The following CACNA1H variants were observed in gnomAD, a reference collection of about 807,000 sequenced individuals.
The protein encoded by CACNA1H is calcium voltage-gated channel subunit alpha1 H.
A neutral mutation model predicts 192.5 loss-of-function variants in CACNA1H; 149 were observed. The observed-to-expected ratio is 0.77, with a 90% confidence interval of 0.68 to 0.89. CACNA1H has a LOEUF of 0.89. CACNA1H is among the 40% of genes least tolerant of loss of function. CACNA1H has a pLI of 0.00. For synonymous variants in CACNA1H, 2,202 were observed against 1,475.2 expected (o/e 1.49, Z -11.29); for missense variants, 4,257 against 3,423.5 (o/e 1.24, Z -6.08).
chr16:1,210,416 C>G lies in CACNA1H; in HGVS notation c.3892C>G (p.His1298Asp). 1 of 1,435,490 alleles carries G rather than the reference C, an allele frequency of 7.0e-7. No homozygotes were observed. Among genetic ancestry groups the G allele is most frequent in the Non-Finnish European group, 9.3e-7 (1 of 1,072,216 alleles). 88.9% of individuals were successfully genotyped at this position (1,435,490 alleles called of 1,614,324 possible). ...QKVITHKMFD[H>D]VVLVFIFLNC... ...GGTCATCACACACAAGATGTTTGAT[C>G]ACGTGGTCCTCGTCTTCATCTTCCT... The change falls in exon 19 of 35, where the codon CAC (histidine) becomes GAC (aspartate). Residue 1298 changes from histidine to aspartate, a missense_variant. Coordinates refer to ENST00000348261, the MANE Select transcript of CACNA1H (RefSeq NM_021098.3).
chr16:1,187,285 C>T (rs1966168074), intron 2 of CACNA1H, among the ~76,000 whole-genome samples: 1 of 152,374 alleles, frequency 6.6e-6, no homozygotes, highest in East Asian at 1.9e-4. Flanking sequence ...GCACCCTCTA[C>T]CCAGGGCAGG....
At chr16:1,173,771 C>T (rs907223938) in intron 2 of CACNA1H, among the ~76,000 whole-genome samples, 1 of 152,258 alleles carries the variant, frequency 6.6e-6, no homozygotes, top group Non-Finnish European at 1.5e-5. Flanking sequence ...GGGAGAATTC[C>T]CCTACTCCTG....
rs746067151 is a variant in CACNA1H at position 1,211,827 on chromosome 16, T to C, written c.4566+22T>C. 30 of 1,611,438 alleles carry C rather than the reference T, an allele frequency of 1.9e-5. No individual in the cohort carries two copies. The East Asian group carries it at 6.5e-4, about 35-fold the overall frequency. ...GCAGGTGCGCACAGGCGGGTCGAGC[T>C]GGGTCACCTCAGGGTCTCCCGCGAG... is the stretch of plus-strand genomic sequence containing the variant. On this transcript the variant is annotated intron_variant, in intron 24 of 34. Transcript: ENST00000348261.
At position 1,220,354 on chromosome 16, in the gene CACNA1H, AG is replaced by A; in HGVS notation, c.6425del (p.Gly2142AlafsTer46). The A allele has an allele frequency of 6.6e-7, 1 of 1,526,652 alleles. No individual in the cohort carries two copies. The highest frequency in any genetic ancestry group is 8.7e-7 in the Non-Finnish European group (1 of 1,145,428). 94.6% of individuals were successfully genotyped at this position (1,526,652 alleles called of 1,614,324 possible). Reference sequence around the variant, plus strand: ...CGCAGGCTCTACAGCGTGGATGCTCAGGGCTTCCTGGACAAGCCGGGCCGGG... The same window carrying A: ...CGCAGGCTCTACAGCGTGGATGCTCAGGCTTCCTGGACAAGCCGGGCCGGG... ...DLRRLYSVDA[Q>X]GFLDKPGRAD... On this transcript the variant is annotated frameshift_variant, in exon 35 of 35. Coordinates refer to ENST00000348261, the MANE Select transcript of CACNA1H (RefSeq NM_021098.3). LOFTEE classifies it low-confidence loss of function (END_TRUNC).
intron 17 of CACNA1H, 189 bp downstream of exon 17, chr16:1,209,601 T>TC (rs370703115): frequency 2.3e-5 from 16 of 698,118 alleles, no homozygotes; most frequent in African/African-American, 2.2e-4. Flanking sequence ...GATCCCAGAG[T>TC]CCCCCCTCTG....
At chr16:1,217,841 G>C in intron 31 of CACNA1H, 78 bp from the exon 32 acceptor site, 1 of 1,495,424 alleles carries the variant, frequency 6.7e-7, no homozygotes, top group Non-Finnish European at 9.0e-7. Flanking sequence ...TCCCCAAGGG[G>C]CATGTGGAGG....
At chr16:1,206,375 A>C in intron 12 of CACNA1H, 86 bp downstream of exon 12, 1 of 1,305,576 alleles carries the variant, frequency 7.7e-7, no homozygotes. Flanking sequence ...CCCGAAGGAG[A>C]AGGAGCCCTC....
At chr16:1,159,166 C>T (rs1962850773) in intron 2 of CACNA1H, among the ~76,000 whole-genome samples, 6 of 152,208 alleles carry the variant, frequency 3.9e-5, no homozygotes, top group Admixed American at 2.0e-4. Flanking sequence ...TCTTCATGGC[C>T]AGTTCCCCGC....
intron 2 of CACNA1H, among the ~76,000 whole-genome samples, chr16:1,161,699 C>T (rs1963216221): frequency 6.6e-6 from 1 of 152,216 alleles, no homozygotes; most frequent in African/African-American, 2.4e-5. Context: ...GAGAAGGGGC[C>T]AGATGCGGTC....
chr16:1,155,663 C>T (rs539488655), intron 2 of CACNA1H, among the ~76,000 whole-genome samples: 2 of 151,994 alleles, frequency 1.3e-5, no homozygotes, highest in Admixed American at 6.6e-5. Flanking sequence ...GGCATGGACT[C>T]TCTTCACAGC....
rs558681859 is a variant in CACNA1H at position 1,158,533 on chromosome 16, T to A, written c.299+4497T>A. 3.7e-4 allele frequency among the ~76,000 whole-genome samples: 56 copies of A among 152,282 alleles called. 1 individual carries two copies. The South Asian group carries it at 8.3e-3, about 23-fold the overall frequency. The stretch of plus-strand genomic sequence containing the variant: ...TCAGGGCCGCACGCCCCGTGGGACG[T>A]CATCTTGTTCCCGCCAGGAAGTGGG... On this transcript the variant is annotated intron_variant, in intron 2 of 34. Transcript: ENST00000348261.
rs768069906 is a variant in CACNA1H, at chr16:1,211,936, T to C, written c.4567-10T>C. 3.1e-6 allele frequency: 5 copies of C among 1,613,028 alleles called. No homozygotes were observed. Among genetic ancestry groups the C allele is most frequent in the Non-Finnish European group, 2.5e-6 (3 of 1,179,620 alleles). On this transcript the variant is annotated splice_polypyrimidine_tract_variant and intron_variant, in intron 24 of 34. Transcript: ENST00000348261. Reference sequence around the variant, plus strand: ...CAGGCGGGCGGGGACCCACCGCCTCTGTGCCACAGCCTGTGCAGAACCACA... The same window carrying C: ...CAGGCGGGCGGGGACCCACCGCCTCCGTGCCACAGCCTGTGCAGAACCACA...
intron 17 of CACNA1H, 62 bp from the exon 18 acceptor site, chr16:1,209,973 G>T: frequency 7.9e-7 from 1 of 1,258,240 alleles, no homozygotes; most frequent in South Asian, 1.3e-5. Context: ...AGCACAGAGG[G>T]CCCTGATGGG....
chr16:1,186,863 C>A (rs11862531), intron 2 of CACNA1H, among the ~76,000 whole-genome samples: 1 of 152,108 alleles, frequency 6.6e-6, no homozygotes, highest in Non-Finnish European at 1.5e-5. Context: ...CAGGGCGGTC[C>A]GTCCCACTCC....
In CACNA1H at chr16:1,211,206, A is replaced by G; in HGVS notation, c.4262A>G (p.Glu1421Gly). ...SRAPGLKLVV[E>G]TLISSLRPIG... ...GCCCCGGGCCTCAAGCTGGTGGTGGAGACGCTGATATCATCACTCAGGCCC... is the reference window on the plus strand; with the variant it reads ...GCCCCGGGCCTCAAGCTGGTGGTGGGGACGCTGATATCATCACTCAGGCCC... Residue 1421 changes from glutamate (E) to glycine (G), a missense_variant, in exon 22 of 35, where the codon GAG becomes GGG. By Grantham distance (98) the Glu-to-Gly change is moderately conservative. Transcript: ENST00000348261. 1 of 1,612,998 alleles carries G rather than the reference A, an allele frequency of 6.2e-7. No individual in the cohort carries two copies. Among genetic ancestry groups the G allele is most frequent in the Non-Finnish European group, 8.5e-7 (1 of 1,179,760 alleles).
rs1267207816 is a variant in CACNA1H at position 1,220,752 on chromosome 16, G to A, written c.6820G>A (p.Gly2274Arg). 4.3e-6 allele frequency: 7 copies of A among 1,612,512 alleles called. No homozygotes were observed. The highest frequency in any genetic ancestry group is 3.3e-5 in the Admixed American group (2 of 60,010). The change falls in exon 35 of 35, where the codon GGG (glycine) becomes AGG (arginine). Residue 2274 changes from glycine (G) to arginine (R), a missense_variant. Coordinates refer to ENST00000348261, the MANE Select transcript of CACNA1H (RefSeq NM_021098.3). ...PSFAFEPLDLGVPSGDPFLDG... is the reference protein window; with the variant it reads ...PSFAFEPLDLRVPSGDPFLDG... ...CTTTGCCTTTGAGCCGCTGGACCTC[G>A]GGGTCCCCAGTGGAGACCCTTTCTT...
chr16:1,202,365 G>T lies in CACNA1H; in HGVS notation c.1915G>T (p.Gly639Ter). Residue 639 changes from glycine (G) to a stop codon, truncating the protein, a stop_gained, in exon 9 of 35, where the codon GGA (glycine) becomes TGA (stop). Coordinates refer to ENST00000348261, the MANE Select transcript of CACNA1H (RefSeq NM_021098.3). LOFTEE classifies it high-confidence loss of function. ...SPGPKGKWAG[G>*]PPGTGGHGPL... is the part of the protein sequence containing the mutation. ...CGGACCCAAGGGGAAGTGGGCCGGT[G>T]GACCGCCAGGCACCGGGGGGCACGG... 6.4e-7 allele frequency: 1 copy of T among 1,561,116 alleles called. No individual in the cohort carries two copies. The highest frequency in any genetic ancestry group is 1.2e-5 in the South Asian group (1 of 84,526).
rs141057161 is a variant in CACNA1H at position 1,204,371 on chromosome 16, C to T, written c.2364C>T (p.Arg788=). 5.1e-6 allele frequency: 8 copies of T among 1,568,570 alleles called. No homozygotes were observed. The East Asian group carries it at 6.7e-5, about 13-fold the overall frequency. Residue 788 remains arginine (R), a synonymous_variant, in exon 10 of 35, where the codon CGC becomes CGT. Coordinates refer to ENST00000348261, the MANE Select transcript of CACNA1H (RefSeq NM_021098.3). ...TTACCTTCAGCGGCAAGCTGCGCCGCATCGTGGACAGCAAGTACTTCAGCC... is the reference window on the plus strand; with the variant it reads ...TTACCTTCAGCGGCAAGCTGCGCCGTATCGTGGACAGCAAGTACTTCAGCC... ...LWVTFSGKLR[R]IVDSKYFSRG...
Position 1,217,024 on chromosome 16 carries a change from G to C in CACNA1H, c.5323+14G>C. 6.3e-7 allele frequency: 1 copy of C among 1,576,734 alleles called. No homozygotes were observed. The highest frequency in any genetic ancestry group is 8.6e-7 in the Non-Finnish European group (1 of 1,160,634). ...TCGGGAGGCTGGGTGAGTGGCTCCT[G>C]CGCCCTCCTCCTGGCACACATGGGG... On this transcript the variant is annotated intron_variant, in intron 31 of 34. Transcript: ENST00000348261.
Sources: allele counts gnomAD v4.1 joint callset (sites outside exome capture counted in the v4.1 genomes callset), GRCh38; gene constraint gnomAD v4.1.1; transcripts MANE v1.5; gene names NCBI Gene and HGNC (gene_info 2026-07-23, HGNC 2026-07-21).